The following RAB22A variants were observed in gnomAD, a reference collection of about 807,000 sequenced individuals.
The protein encoded by RAB22A is ras-related protein Rab-22A.
Under a neutral mutation model 30.2 loss-of-function variants are expected in RAB22A, and 13 were observed. That is an observed-to-expected ratio of 0.43 (90% CI 0.28 to 0.68). The LOEUF (loss-of-function observed/expected upper bound fraction) is 0.68. Ranked by LOEUF, RAB22A falls within the 30% of genes least tolerant of loss-of-function variation. RAB22A has a pLI of 0.18. For synonymous variants in RAB22A, 89 were observed against 87.2 expected, an observed-to-expected ratio of 1.02 and a Z score of -0.11; for missense variants, 177 against 246.8, an observed-to-expected ratio of 0.72 and a Z score of 1.89.
intron 2 of RAB22A, among the ~76,000 whole-genome samples, chr20:58,328,084 T>C (rs189554783): frequency 2.6e-5 from 4 of 152,310 alleles, no homozygotes; most frequent in African/African-American, 9.6e-5. Flanking sequence ...TAATCTTGAT[T>C]GTAATTAATC....
At chr20:58,324,738 A>G (rs1600726925) in intron 2 of RAB22A, among the ~76,000 whole-genome samples, 1 of 150,770 alleles carries the variant, frequency 6.6e-6, no homozygotes, top group South Asian at 2.1e-4. Flanking sequence ...ATGGGGGCAC[A>G]TGCCTGTAGT....
chr20:58,347,927 T>C (rs1482551540), intron 3 of RAB22A, among the ~76,000 whole-genome samples: 2 of 152,196 alleles, frequency 1.3e-5, no homozygotes, highest in African/African-American at 4.8e-5. Flanking sequence ...TGTGTGATTG[T>C]ATAAAAGAAA....
chr20:58,331,615 T>A (rs1007469689), intron 2 of RAB22A, among the ~76,000 whole-genome samples: 1 of 152,216 alleles, frequency 6.6e-6, no homozygotes, highest in African/African-American at 2.4e-5. Flanking sequence ...ATAATTCGCT[T>A]TTTATTGTAT....
chr20:58,351,406 C>A (rs1987047520), intron 3 of RAB22A, among the ~76,000 whole-genome samples: 1 of 151,852 alleles, frequency 6.6e-6, no homozygotes, highest in African/African-American at 2.4e-5. Context: ...ATAATACAAG[C>A]AAGTACAGTT....
intron 2 of RAB22A, among the ~76,000 whole-genome samples, chr20:58,316,829 A>G (rs900510153): frequency 1.3e-5 from 2 of 152,116 alleles, no homozygotes; most frequent in Admixed American, 1.3e-4. Flanking sequence ...ACCTTGGGGT[A>G]GAGGAAAGGA....
In RAB22A at chr20:58,343,853, A is replaced by G. The variant is rs377688277; in HGVS notation, c.198+54A>G. The G allele has an allele frequency of 8.7e-5, 120 of 1,374,318 alleles. 1 individual carries two copies. The highest frequency in any genetic ancestry group is 7.0e-4 in the East Asian group (30 of 43,122). The allele number at this position is 1,374,318 out of a possible 1,614,324, so 85.1% of individuals were successfully genotyped here. A position where few individuals can be genotyped will look rare whatever the true frequency, so the allele number is the denominator to read the frequency against. The stretch of plus-strand genomic sequence containing the variant: ...TTCTGAGGCCCAAATGAAAGTTCCA[A>G]CTAAACTGTCAGCATCCCTGTCATC... On this transcript the variant is annotated intron_variant, in intron 3 of 6. Coordinates refer to ENST00000244040, the MANE Select transcript of RAB22A (RefSeq NM_020673.3).
intron 2 of RAB22A, among the ~76,000 whole-genome samples, chr20:58,325,095 T>A (rs1215736484): frequency 6.8e-6 from 1 of 146,388 alleles, no homozygotes; most frequent in Non-Finnish European, 1.5e-5. Context: ...GAGAATCGCT[T>A]AAACCTGGGA....
chr20:58,335,961 A>G (rs1986743451), intron 2 of RAB22A, among the ~76,000 whole-genome samples: 1 of 151,890 alleles, frequency 6.6e-6, no homozygotes. Context: ...GATCATTTCC[A>G]TGGGCCGCTT....
At chr20:58,316,292 C>T (rs1986337044) in intron 2 of RAB22A, among the ~76,000 whole-genome samples, 3 of 152,136 alleles carry the variant, frequency 2.0e-5, no homozygotes. Flanking sequence ...CATCTTCTTA[C>T]CTCCAGGGAC....
chr20:58,341,819 T>C (rs965675591), intron 2 of RAB22A, among the ~76,000 whole-genome samples: 3 of 152,190 alleles, frequency 2.0e-5, no homozygotes, highest in African/African-American at 7.2e-5. Flanking sequence ...TCTCAGCTTT[T>C]TGTCTACTTG....
At chr20:58,335,337 C>T (rs1383315264) in intron 2 of RAB22A, among the ~76,000 whole-genome samples, 1 of 152,108 alleles carries the variant, frequency 6.6e-6, no homozygotes, top group African/African-American at 2.4e-5. Context: ...ATTTCTAAAC[C>T]AATTAAAAAT....
At chr20:58,324,172 C>CATCAGTG (rs1206845066) in intron 2 of RAB22A, among the ~76,000 whole-genome samples, 2 of 152,096 alleles carry the variant, frequency 1.3e-5, no homozygotes, top group African/African-American at 4.8e-5. Flanking sequence ...GAGTAAAATT[C>CATCAGTG]ATCAGTGTTG....
intron 2 of RAB22A, among the ~76,000 whole-genome samples, chr20:58,329,794 A>G (rs1298695026): frequency 2.6e-5 from 4 of 152,044 alleles, no homozygotes; most frequent in African/African-American, 4.8e-5. Flanking sequence ...CCCTACCCCC[A>G]TCTTTTTCTC....
intron 3 of RAB22A, among the ~76,000 whole-genome samples, chr20:58,349,522 A>G (rs1172379706): frequency 1.3e-5 from 2 of 152,214 alleles, no homozygotes; most frequent in South Asian, 2.1e-4. Flanking sequence ...ATAAAATGCA[A>G]CAGAAACCAG....
chr20:58,316,592 C>T (rs1986345281), intron 2 of RAB22A, among the ~76,000 whole-genome samples: 1 of 152,112 alleles, frequency 6.6e-6, no homozygotes, highest in South Asian at 2.1e-4. Context: ...TGTAGTGAGC[C>T]TATTGTGTTC....
chr20:58,363,673 C>A lies in RAB22A; in HGVS notation c.*3970C>A, dbSNP rs898337550. The A allele has an allele frequency of 6.6e-6, 1 of 152,162 alleles. No individual in the cohort carries two copies. Among genetic ancestry groups the A allele is most frequent in the African/African-American group, 2.4e-5 (1 of 41,442 alleles). The allele number at this position is 152,162 out of a possible 1,614,324, so 9.4% of individuals were successfully genotyped here. A position where few individuals can be genotyped will look rare whatever the true frequency, so the allele number is the denominator to read the frequency against. On this transcript the variant is annotated 3_prime_UTR_variant, in exon 7 of 7. Coordinates refer to ENST00000244040, the MANE Select transcript of RAB22A (RefSeq NM_020673.3). ...TTCAACTTCAAGAGTTTTTCTACCTCTTTAACAGTTAATATTTTTTAAAGG... is the reference window on the plus strand; with the variant it reads ...TTCAACTTCAAGAGTTTTTCTACCTATTTAACAGTTAATATTTTTTAAAGG...
chr20:58,331,278 G>A (rs149954770), intron 2 of RAB22A, among the ~76,000 whole-genome samples: 225 of 151,752 alleles, frequency 1.5e-3, no homozygotes, highest in African/African-American at 5.1e-3. Flanking sequence ...TGCCACTCCA[G>A]TCACTATCAC....
intron 3 of RAB22A, chr20:58,345,875 A>G (rs916220506): frequency 6.6e-6 from 1 of 152,410 alleles, no homozygotes; most frequent in East Asian, 1.9e-4. Flanking sequence ...GTTCTCCAGC[A>G]TGCCATAGTT....
rs1028183534 is a variant in RAB22A, at chr20:58,367,447, C to G, written c.*7744C>G. The G allele has an allele frequency of 6.6e-6, 1 of 152,594 alleles. No homozygotes were observed. Among genetic ancestry groups the G allele is most frequent in the Non-Finnish European group, 1.5e-5 (1 of 68,040 alleles). 9.5% of individuals were successfully genotyped at this position (152,594 alleles called of 1,614,324 possible). On this transcript the variant is annotated 3_prime_UTR_variant, in exon 7 of 7. Coordinates refer to ENST00000244040, the MANE Select transcript of RAB22A (RefSeq NM_020673.3). ...TTATAGAGTATAACATGCTAAATCA[C>G]TGTTTTGTTGTAAGAAGGGTGTAAA... is the stretch of plus-strand genomic sequence containing the variant.
Sources: gnomAD v4.1 joint callset for allele counts (sites outside exome capture counted in the v4.1 genomes callset) on GRCh38, gnomAD v4.1.1 for gene constraint, MANE v1.5 for transcripts, NCBI Gene and HGNC (gene_info 2026-07-23, HGNC 2026-07-21) for gene names.